Variants in SRFBP1 observed in about 807,000 individuals in gnomAD.
SRFBP1 encodes the protein serum response factor binding protein 1.
A neutral mutation model predicts 45.5 loss-of-function variants in SRFBP1; 47 were observed. That is an observed-to-expected ratio of 1.03 (90% CI 0.82 to 1.32). The LOEUF is 1.32. Ranked by LOEUF, SRFBP1 falls within the 40% of genes most tolerant of loss-of-function variation. The probability of loss-of-function intolerance (pLI) is 0.00; values close to 1 mark genes in which losing one functional copy is unlikely to be tolerated. For synonymous variants in SRFBP1, 203 were observed against 166.3 expected, an observed-to-expected ratio of 1.22 and a Z score of -1.70; for missense variants, 621 against 484.6, an observed-to-expected ratio of 1.28 and a Z score of -2.64.
At chr5:121,998,662 TA>T (rs11443226) in intron 4 of SRFBP1, among the ~76,000 whole-genome samples, 15 of 145,982 alleles carry the variant, frequency 1.0e-4, no homozygotes, top group African/African-American at 3.0e-4. Context: ...ACTTAAAGTA[TA>T]AAAAAAAAAA....
chr5:122,042,959 A>C (rs1375163515), intron 2 of SRFBP1, among the ~76,000 whole-genome samples: 1 of 152,136 alleles, frequency 6.6e-6, no homozygotes, highest in African/African-American at 2.4e-5. Context: ...TTTTTGTCAA[A>C]TATTTTAATT....
chr5:122,075,742 C>T (rs889080039), downstream of SRFBP1, among the ~76,000 whole-genome samples: 1 of 152,066 alleles, frequency 6.6e-6, no homozygotes, highest in Non-Finnish European at 1.5e-5. Flanking sequence ...GTAGTCAGAG[C>T]TCAATGAATA....
chr5:122,031,963 A>C (rs909958425), downstream of SRFBP1, among the ~76,000 whole-genome samples: 5 of 151,896 alleles, frequency 3.3e-5, no homozygotes, highest in Admixed American at 1.3e-4. Context: ...GATTGCTAGG[A>C]GCTGGGAGAG....
chr5:122,030,738 A>G (rs1453912415), downstream of SRFBP1, among the ~76,000 whole-genome samples: 2 of 151,992 alleles, frequency 1.3e-5, no homozygotes, highest in East Asian at 3.9e-4. Flanking sequence ...GGGCTTCCTC[A>G]GGGAATTTCT....
downstream of SRFBP1, among the ~76,000 whole-genome samples, chr5:122,029,952 G>T (rs1753563732): frequency 6.6e-6 from 1 of 152,090 alleles, no homozygotes; most frequent in Admixed American, 6.6e-5. Flanking sequence ...TGAGAAAATT[G>T]ATTACCATTA....
chr5:122,020,426 A>G lies in SRFBP1; in HGVS notation c.691A>G (p.Ser231Gly). 6.2e-7 allele frequency: 1 copy of G among 1,614,110 alleles called. No homozygotes were observed. Among genetic ancestry groups the G allele is most frequent in the Admixed American group, 1.7e-5 (1 of 60,012 alleles). The change falls in exon 6 of 8, where the codon AGT (serine) becomes GGT (glycine). Residue 231 changes from serine to glycine, a missense_variant. Coordinates refer to ENST00000339397, the MANE Select transcript of SRFBP1 (RefSeq NM_152546.3). ...TGCTGACCCAAAACTGAAAACTCTA[A>G]GTCAAACCAAAAAAAACAAAGGATC... Reference protein sequence around the residue: ...TPADPKLKTLSQTKKNKGSDS... With the variant: ...TPADPKLKTLGQTKKNKGSDS...
chr5:121,985,199 CTT>C (rs1175135533), intron 3 of SRFBP1, among the ~76,000 whole-genome samples: 1 of 151,804 alleles, frequency 6.6e-6, no homozygotes, highest in Non-Finnish European at 1.5e-5. Flanking sequence ...AGGAGGGACA[CTT>C]AGCACTGCTT....
At chr5:122,038,561 A>C (rs1023961247) in intron 2 of SRFBP1, among the ~76,000 whole-genome samples, 1 of 152,340 alleles carries the variant, frequency 6.6e-6, no homozygotes, top group East Asian at 1.9e-4. Context: ...TCCAGTCCCA[A>C]GTGATAAGAG....
rs1484948819 is a variant in SRFBP1, at chr5:122,020,529, C to G, written c.794C>G (p.Thr265Arg). The G allele has an allele frequency of 6.2e-7, 1 of 1,614,068 alleles. No homozygotes were observed. The highest frequency in any genetic ancestry group is 8.5e-7 in the Non-Finnish European group (1 of 1,179,994). Residue 265 changes from threonine (T) to arginine (R), a missense_variant, in exon 6 of 8, where the codon ACA (threonine) becomes AGA (arginine). Physicochemically the swap from Thr to Arg is moderately conservative, Grantham distance 71. Transcript: ENST00000339397. ...EEEKEYFDDSTEERFYKQSSM... is the reference protein window; with the variant it reads ...EEEKEYFDDSREERFYKQSSM... ...GAGAAGGAATATTTTGATGATAGCACAGAAGAAAGGTTTTACAAGCAGTCT... is the reference window on the plus strand; with the variant it reads ...GAGAAGGAATATTTTGATGATAGCAGAGAAGAAAGGTTTTACAAGCAGTCT...
chr5:121,985,592 C>T (rs1752496874), intron 3 of SRFBP1, among the ~76,000 whole-genome samples: 1 of 151,728 alleles, frequency 6.6e-6, no homozygotes, highest in South Asian at 2.1e-4. Context: ...GCAGTGTTTA[C>T]TGACATGTCT....
intron 2 of SRFBP1, among the ~76,000 whole-genome samples, chr5:122,034,663 C>A (rs1561600253): frequency 6.6e-6 from 1 of 151,898 alleles, no homozygotes; most frequent in Non-Finnish European, 1.5e-5. Flanking sequence ...ACCCTGTTCT[C>A]ACCTTAATTT....
chr5:122,077,192 A>G, downstream of SRFBP1: 2 of 1,469,188 alleles, frequency 1.4e-6, no homozygotes, highest in Non-Finnish European at 9.0e-7. This position sits in a 1 kb window ranked among gnomAD's most constrained non-coding sequence, Gnocchi z 4.9. Flanking sequence ...GAGGGGCCAG[A>G]CGCGCGGTTT....
Position 122,027,000 on chromosome 5 carries a change from A to G in SRFBP1, c.1164A>G (p.Arg388=), listed in dbSNP as rs1343232037. Residue 388 remains arginine (R), a synonymous_variant, in exon 8 of 8, where the codon AGA becomes AGG. Transcript: ENST00000339397. ...AGTTTAATAAGAAGCTATCAGGAAG[A>G]CTTGAAAATACAAAACAGCAATTGC... ...KNQFNKKLSG[R]LENTKQQLQL... is the part of the protein sequence containing the mutation. The G allele has an allele frequency of 5.0e-6, 8 of 1,613,082 alleles. No individual in the cohort carries two copies. Among genetic ancestry groups the G allele is most frequent in the Non-Finnish European group, 6.8e-6 (8 of 1,179,812 alleles).
chr5:122,040,361 A>G (rs939304379), intron 2 of SRFBP1, among the ~76,000 whole-genome samples: 12 of 152,268 alleles, frequency 7.9e-5, no homozygotes, highest in African/African-American at 2.9e-4. Flanking sequence ...CCTTAAGCTG[A>G]ATACTGGAAT....
At chr5:122,003,793 G>A (rs928924176) in intron 4 of SRFBP1, among the ~76,000 whole-genome samples, 2 of 152,026 alleles carry the variant, frequency 1.3e-5, no homozygotes, top group African/African-American at 4.8e-5. Context: ...GTTTTAATTT[G>A]CATTTCCCTA....
chr5:122,061,750 T>C (rs1329811993), intron 2 of SRFBP1, among the ~76,000 whole-genome samples: 1 of 151,984 alleles, frequency 6.6e-6, no homozygotes, highest in Non-Finnish European at 1.5e-5. Context: ...TATTTTTTTC[T>C]AAAATAGAAC....
Position 121,994,648 on chromosome 5 carries a change from A to C in SRFBP1, c.248A>C (p.Asn83Thr), listed in dbSNP as rs1483398987. The C allele has an allele frequency of 1.9e-6, 3 of 1,596,842 alleles. No individual in the cohort carries two copies. Among genetic ancestry groups the C allele is most frequent in the Non-Finnish European group, 2.6e-6 (3 of 1,172,616 alleles). ...AAATCTGCTCTTGGTGATGATATCA[A>C]CTTTGAAAAAATCTTCAAAAAGGTA... ...VTKSALGDDI[N>T]FEKIFKKPDS... Residue 83 changes from asparagine (N) to threonine (T), a missense_variant, in exon 4 of 8, where the codon AAC becomes ACC. Coordinates refer to ENST00000339397, the MANE Select transcript of SRFBP1 (RefSeq NM_152546.3).
At chr5:122,024,309 C>T (rs1315052589) in intron 7 of SRFBP1, among the ~76,000 whole-genome samples, 1 of 152,164 alleles carries the variant, frequency 6.6e-6, no homozygotes, top group Non-Finnish European at 1.5e-5. Flanking sequence ...TCTCAGTTAT[C>T]TGTTTCCTTG....
chr5:122,007,512 G>A lies in SRFBP1; in HGVS notation c.271-11748G>A, dbSNP rs989602576. 4.0e-5 allele frequency among the ~76,000 whole-genome samples: 6 copies of A among 151,878 alleles called. No homozygotes were observed. The South Asian group carries it at 6.2e-4, about 16-fold the overall frequency. On this transcript the variant is annotated intron_variant, in intron 4 of 7. Transcript: ENST00000339397. The stretch of plus-strand genomic sequence containing the variant: ...ATCCTGGGGCCATGGGGAACAGCCT[G>A]GAGCCTCGGTCTGTTGGTGCCAGCC...
Sources: gnomAD v4.1 joint callset for allele counts (sites outside exome capture counted in the v4.1 genomes callset) on GRCh38, gnomAD v4.1.1 for gene constraint, Gnocchi (gnomAD v3.1) non-coding constraint, MANE v1.5 for transcripts, NCBI Gene and HGNC (gene_info 2026-07-23, HGNC 2026-07-21) for gene names.